The following CSGALNACT1 variants were observed in gnomAD, a reference collection of about 807,000 sequenced individuals.
The protein encoded by CSGALNACT1 is beta4GalNAcT-1.
A neutral mutation model predicts 51.0 loss-of-function variants in CSGALNACT1; 52 were observed. The observed-to-expected ratio is 1.02, with a 90% CI of 0.82 to 1.29. CSGALNACT1 has a LOEUF of 1.29. CSGALNACT1 is among the 50% of genes most tolerant of loss of function. CSGALNACT1 has a pLI of 0.00. For missense variants in CSGALNACT1, 935 were observed against 679.2 expected (o/e 1.38, Z -4.19); for synonymous variants, 341 against 254.4 (o/e 1.34, Z -3.24).
At chr8:19,479,575 G>T (rs531580949) in intron 4 of CSGALNACT1, among the ~76,000 whole-genome samples, 25 of 152,064 alleles carry the variant, frequency 1.6e-4, no homozygotes, top group African/African-American at 5.8e-4. Flanking sequence ...AGTATTGAAG[G>T]CTTGGGGGAA....
upstream of CSGALNACT1, among the ~76,000 whole-genome samples, chr8:19,684,349 G>A (rs529977534): frequency 9.2e-5 from 14 of 152,204 alleles, no homozygotes; most frequent in African/African-American, 2.6e-4. Context: ...TTGAAGCAAC[G>A]GGTTAAGATT....
chr8:19,737,729 T>G (rs550311700), intron 1 of CSGALNACT1, among the ~76,000 whole-genome samples: 3 of 152,296 alleles, frequency 2.0e-5, no homozygotes, highest in African/African-American at 7.2e-5. Flanking sequence ...GGCTCTAACT[T>G]AAAGACTGAG....
intron 4 of CSGALNACT1, among the ~76,000 whole-genome samples, chr8:19,474,260 A>G (rs1257693734): frequency 6.6e-6 from 1 of 152,182 alleles, no homozygotes; most frequent in Non-Finnish European, 1.5e-5. Flanking sequence ...AAAACAATCT[A>G]TGTGAAAAGC....
At chr8:19,710,426 C>T (rs1406367054) in intron 1 of CSGALNACT1, among the ~76,000 whole-genome samples, 2 of 152,108 alleles carry the variant, frequency 1.3e-5, no homozygotes, top group Non-Finnish European at 2.9e-5. Flanking sequence ...GCCTTAACAA[C>T]GCTATGCTTG....
rs184258390 is a variant in CSGALNACT1 at position 19,451,018 on chromosome 8, A to G, written c.851+7408T>C. Among the ~76,000 whole-genome samples, 35 of 152,344 alleles carry G rather than the reference A, an allele frequency of 2.3e-4. No individual in the cohort carries two copies. In the East Asian group the frequency reaches 6.6e-3, roughly 29 times the overall value. On this transcript the variant is annotated intron_variant, in intron 5 of 9. Coordinates refer to ENST00000454498, the Ensembl canonical transcript of CSGALNACT1. ...AGTCTTTATTGCTATCAAGGGGTGCAGTGGGGCTTTTATTCTTACTCAGAG... is the reference window on the plus strand; with the variant it reads ...AGTCTTTATTGCTATCAAGGGGTGCGGTGGGGCTTTTATTCTTACTCAGAG...
In CSGALNACT1 at chr8:19,411,682, C is replaced by A. The variant is rs115264942; in HGVS notation, c.1228-2988G>T. ...TTTGCTGCAAGTGTGAGAAGCTCCA[C>A]CATTCTGTTCAAGCACTGACAAGTG... is the stretch of plus-strand genomic sequence containing the variant. On this transcript the variant is annotated intron_variant, in intron 8 of 9. Transcript: ENST00000454498. 5.5e-3 allele frequency among the ~76,000 whole-genome samples: 844 copies of A among 152,260 alleles called. 16 individuals carry two copies. The highest frequency in any genetic ancestry group is 0.02 in the African/African-American group (814 of 41,558).
chr8:19,621,958 CT>C (rs2053878268), intron 1 of CSGALNACT1, among the ~76,000 whole-genome samples: 1 of 152,062 alleles, frequency 6.6e-6, no homozygotes, highest in Non-Finnish European at 1.5e-5. Flanking sequence ...CTTCAATTTT[CT>C]TCATCATTTT....
intron 1 of CSGALNACT1, among the ~76,000 whole-genome samples, chr8:19,630,615 C>A (rs886113150): frequency 2.6e-5 from 4 of 152,146 alleles, no homozygotes; most frequent in African/African-American, 9.7e-5. Flanking sequence ...TCTAAACATC[C>A]CCTGTTCTTC....
chr8:19,480,847 C>T (rs910256209), intron 4 of CSGALNACT1, among the ~76,000 whole-genome samples: 4 of 152,124 alleles, frequency 2.6e-5, no homozygotes, highest in African/African-American at 4.8e-5. Context: ...GGAGGAAAAA[C>T]GAGGAATATT....
At chr8:19,668,349 C>CACAG (rs2059545642) in intron 1 of CSGALNACT1, among the ~76,000 whole-genome samples, 1 of 145,462 alleles carries the variant, frequency 6.9e-6, no homozygotes, top group Admixed American at 6.8e-5. Flanking sequence ...GTTACACACA[C>CACAG]ACACACACAC....
intron 4 of CSGALNACT1, among the ~76,000 whole-genome samples, chr8:19,475,524 A>T (rs2069363565): frequency 6.6e-6 from 1 of 152,174 alleles, no homozygotes; most frequent in Admixed American, 6.5e-5. Context: ...CAGAAGCATC[A>T]ATCTTGTGCC....
intron 3 of CSGALNACT1, among the ~76,000 whole-genome samples, chr8:19,525,959 C>T (rs1012898894): frequency 6.6e-5 from 10 of 152,126 alleles, no homozygotes; most frequent in East Asian, 1.9e-4. Flanking sequence ...AGGTCTAGTG[C>T]GCATTTACCA....
chr8:19,456,200 C>A (rs1163012555), intron 5 of CSGALNACT1, among the ~76,000 whole-genome samples: 2 of 152,190 alleles, frequency 1.3e-5, no homozygotes, highest in African/African-American at 2.4e-5. Context: ...ATTCTGCTGA[C>A]ACTAAGGAAA....
At chr8:19,725,901 A>T (rs923528668) in intron 1 of CSGALNACT1, among the ~76,000 whole-genome samples, 23 of 152,214 alleles carry the variant, frequency 1.5e-4, no homozygotes, top group African/African-American at 5.3e-4. Flanking sequence ...TGGACACATC[A>T]TTATCACCCA....
chr8:19,529,525 T>C (rs1281946630), intron 3 of CSGALNACT1, among the ~76,000 whole-genome samples: 1 of 152,220 alleles, frequency 6.6e-6, no homozygotes, highest in Non-Finnish European at 1.5e-5. Flanking sequence ...ATTTCATTCA[T>C]CATTACTGCA....
At chr8:19,585,607 C>A (rs1400003663) in intron 3 of CSGALNACT1, among the ~76,000 whole-genome samples, 1 of 152,120 alleles carries the variant, frequency 6.6e-6, no homozygotes, top group African/African-American at 2.4e-5. Flanking sequence ...CCTATTAATT[C>A]CCTGATTGGT....
At chr8:19,519,492 C>CA (rs1563867100) in intron 3 of CSGALNACT1, among the ~76,000 whole-genome samples, 1 of 152,100 alleles carries the variant, frequency 6.6e-6, no homozygotes, top group African/African-American at 2.4e-5. Context: ...CACAGCAGGG[C>CA]AAAAGAGAAA....
chr8:19,584,618 T>G (rs749384505), intron 3 of CSGALNACT1, among the ~76,000 whole-genome samples: 3 of 152,242 alleles, frequency 2.0e-5, no homozygotes, highest in Non-Finnish European at 2.9e-5. Flanking sequence ...AATTGACTAT[T>G]CAGAAATCAA....
At chr8:19,424,149 T>C (rs1489814741) in intron 6 of CSGALNACT1, among the ~76,000 whole-genome samples, 1 of 152,130 alleles carries the variant, frequency 6.6e-6, no homozygotes, top group Non-Finnish European at 1.5e-5. Context: ...CACCAGGTCC[T>C]GATGAGAGAG....
Sources: allele counts gnomAD v4.1 joint callset (sites outside exome capture counted in the v4.1 genomes callset), GRCh38; gene constraint gnomAD v4.1.1; transcripts MANE v1.5; gene names NCBI Gene and HGNC (gene_info 2026-07-23, HGNC 2026-07-21).